SV2C: variants seen among roughly 807,000 people sequenced by gnomAD.
SV2C encodes synaptic vesicle glycoprotein 2C, also known as solute carrier family 22 member B3.
In SV2C, 49 loss-of-function variants were observed where a neutral mutation model predicts 79.7. The ratio of observed to expected loss-of-function variants is 0.61; its 90% CI spans 0.49 to 0.78. The LOEUF (loss-of-function observed/expected upper bound fraction) is 0.78. Ranked by LOEUF, SV2C falls within the 30% of genes least tolerant of loss-of-function variation. SV2C has a pLI of 0.00. For synonymous variants in SV2C, 334 were observed against 333.2 expected (o/e 1.00, Z -0.03); for missense variants, 833 against 912.9 (o/e 0.91, Z 1.13).
chr5:76,219,313 T>C (rs1410440055), intron 4 of SV2C, among the ~76,000 whole-genome samples: 1 of 152,256 alleles, frequency 6.6e-6, no homozygotes, highest in East Asian at 1.9e-4. Flanking sequence ...CGATCAATCT[T>C]ATATTTTATC....
intron 6 of SV2C, among the ~76,000 whole-genome samples, chr5:76,290,486 C>G (rs980887336): frequency 1.3e-5 from 2 of 152,164 alleles, no homozygotes; most frequent in South Asian, 2.1e-4. Context: ...ACAAAGGACC[C>G]ATTCTTCATT....
chr5:75,882,079 T>C, the SV2C span, among the ~76,000 whole-genome samples: 23 of 150,470 alleles, frequency 1.5e-4, no homozygotes, highest in African/African-American at 5.5e-4. Context: ...TCATTGGTTC[T>C]GTTTATATGC....
intron 2 of SV2C, among the ~76,000 whole-genome samples, chr5:76,192,605 A>G (rs1744138405): frequency 6.6e-6 from 1 of 152,238 alleles, no homozygotes; most frequent in Non-Finnish European, 1.5e-5. Flanking sequence ...TGACAATCCC[A>G]GAGTGGTTAC....
intron 2 of SV2C, among the ~76,000 whole-genome samples, chr5:76,175,967 G>T (rs980884648): frequency 6.6e-6 from 1 of 152,158 alleles, no homozygotes. Context: ...GAAAGTCTAT[G>T]AGAAAGTGAA....
chr5:76,017,108 T>A, the SV2C span, among the ~76,000 whole-genome samples: 1 of 152,234 alleles, frequency 6.6e-6, no homozygotes, highest in African/African-American at 2.4e-5. Context: ...TGGGCAATAT[T>A]CATTGTCTCT....
chr5:76,139,854 G>GTCTTTAAAA (rs375690893), intron 2 of SV2C, among the ~76,000 whole-genome samples: 2 of 64,742 alleles, frequency 3.1e-5, no homozygotes, highest in Non-Finnish European at 8.8e-5. Context: ...GCTCTTGAAA[G>GTCTTTAAAA]TATTTTTTTT....
chr5:75,915,871 G>T, the SV2C span, among the ~76,000 whole-genome samples: 7 of 152,244 alleles, frequency 4.6e-5, no homozygotes, highest in East Asian at 7.7e-4. Context: ...TCAAGGCAGG[G>T]GACATTCTGA....
chr5:75,910,811 A>G, the SV2C span: 11 of 1,327,282 alleles, frequency 8.3e-6, no homozygotes, highest in Non-Finnish European at 1.1e-5. Context: ...CTTCCAAAAC[A>G]TTTCCAATTT....
chr5:75,888,055 G>A, the SV2C span, among the ~76,000 whole-genome samples: 16,853 of 152,050 alleles, frequency 0.11, 1,000 homozygotes, highest in East Asian at 0.16. Flanking sequence ...AAAAAGGAGA[G>A]TCAATTTGTA....
chr5:76,211,186 G>A (rs1022480799), intron 4 of SV2C, among the ~76,000 whole-genome samples: 6 of 152,156 alleles, frequency 3.9e-5, no homozygotes, highest in Middle Eastern at 3.2e-3. Context: ...TGGAATGGGA[G>A]CAGGAAAACT....
intron 4 of SV2C, among the ~76,000 whole-genome samples, chr5:76,212,729 A>G (rs1744802079): frequency 6.6e-6 from 1 of 152,050 alleles, no homozygotes; most frequent in African/African-American, 2.4e-5. Flanking sequence ...AAGCCCGGGC[A>G]TGACTGTTTT....
the SV2C span, among the ~76,000 whole-genome samples, chr5:75,945,650 A>T: frequency 6.6e-6 from 1 of 152,056 alleles, no homozygotes; most frequent in Admixed American, 6.6e-5. Context: ...TGCACATGGA[A>T]CATTCACCAA....
At chr5:76,211,751 CAT>C (rs1271676112) in intron 4 of SV2C, among the ~76,000 whole-genome samples, 1 of 152,142 alleles carries the variant, frequency 6.6e-6, no homozygotes, top group Non-Finnish European at 1.5e-5. Flanking sequence ...TAAAATCAGA[CAT>C]AGACTTTAGT....
intron 2 of SV2C, among the ~76,000 whole-genome samples, chr5:76,159,438 A>G (rs1377526621): frequency 6.6e-6 from 1 of 152,130 alleles, no homozygotes; most frequent in African/African-American, 2.4e-5. Flanking sequence ...AGTACATTAG[A>G]TTCCTGGGGC....
intron 12 of SV2C, among the ~76,000 whole-genome samples, chr5:76,315,211 C>CAT (rs1748578967): frequency 6.6e-6 from 1 of 151,930 alleles, no homozygotes; most frequent in African/African-American, 2.4e-5. Flanking sequence ...CACACACACA[C>CAT]ACACACACAT....
At chr5:75,966,809 T>C in the SV2C span, among the ~76,000 whole-genome samples, 2 of 152,170 alleles carry the variant, frequency 1.3e-5, no homozygotes, top group Non-Finnish European at 2.9e-5. Flanking sequence ...AGAACCCTCC[T>C]GGACTAAGCC....
At chr5:76,185,526 C>T (rs1162624945) in intron 2 of SV2C, among the ~76,000 whole-genome samples, 1 of 152,242 alleles carries the variant, frequency 6.6e-6, no homozygotes, top group Non-Finnish European at 1.5e-5. Flanking sequence ...GATTCCCCAA[C>T]CTTAATTCTT....
the SV2C span, among the ~76,000 whole-genome samples, chr5:75,992,591 C>T: frequency 6.6e-6 from 1 of 151,960 alleles, no homozygotes; most frequent in African/African-American, 2.4e-5. Flanking sequence ...CAGTATCTGT[C>T]AATGATTGGT....
the SV2C span, among the ~76,000 whole-genome samples, chr5:75,972,710 C>T: frequency 6.6e-6 from 1 of 152,060 alleles, no homozygotes; most frequent in African/African-American, 2.4e-5. Flanking sequence ...GAAACAGGAA[C>T]ACTTTTACAC....
Sources: gnomAD v4.1 joint callset for allele counts (sites outside exome capture counted in the v4.1 genomes callset) on GRCh38, gnomAD v4.1.1 for gene constraint, MANE v1.5 for transcripts, NCBI Gene and HGNC (gene_info 2026-07-23, HGNC 2026-07-21) for gene names.